The following TMEM266 variants were observed in gnomAD, a reference collection of about 807,000 sequenced individuals.
TMEM266 encodes Hv1 related protein 1.
TMEM266 carries 33 observed loss-of-function variants against 50.5 expected under a neutral mutation model. That is an observed-to-expected ratio of 0.65 (90% CI 0.50 to 0.87). The LOEUF (loss-of-function observed/expected upper bound fraction) is 0.87. Ranked by LOEUF, TMEM266 falls within the 40% of genes least tolerant of loss-of-function variation. The probability of loss-of-function intolerance (pLI) is 0.00; values close to 1 mark genes in which losing one functional copy is unlikely to be tolerated. For missense variants in TMEM266, 655 were observed against 695.1 expected (o/e 0.94, Z 0.65); for synonymous variants, 310 against 292.3 (o/e 1.06, Z -0.62).
chr15:76,137,833 C>G lies in TMEM266; in HGVS notation c.165C>G (p.Val55=). 6.2e-7 allele frequency: 1 copy of G among 1,613,120 alleles called. No individual in the cohort carries two copies. Among genetic ancestry groups the G allele is most frequent in the Non-Finnish European group, 8.5e-7 (1 of 1,179,532 alleles). ...ATCGGGACTTGCCCCTGGCTGCTGTCGATCTCTCCACGGCGGGCTCGCAGC... is the reference window on the plus strand; with the variant it reads ...ATCGGGACTTGCCCCTGGCTGCTGTGGATCTCTCCACGGCGGGCTCGCAGC... The change falls in exon 3 of 11, where the codon GTC becomes GTG. Residue 55 remains valine (V), a synonymous_variant. Transcript: ENST00000388942.
chr15:76,066,259 C>T (rs1051489665), intron 1 of TMEM266, among the ~76,000 whole-genome samples: 1 of 152,114 alleles, frequency 6.6e-6, no homozygotes, highest in Non-Finnish European at 1.5e-5. Context: ...CTCATGTAAG[C>T]TTGATACGGG....
At chr15:76,194,486 C>T (rs2038626612) in intron 9 of TMEM266, among the ~76,000 whole-genome samples, 2 of 152,338 alleles carry the variant, frequency 1.3e-5, no homozygotes, top group South Asian at 4.1e-4. Context: ...GCCCACGCCC[C>T]TTAGGCTGGT....
Position 76,139,124 on chromosome 15 carries a change from G to A in TMEM266, c.227+1229G>A, listed in dbSNP as rs763930009. Among the ~76,000 whole-genome samples, 2 of 152,094 alleles carry A rather than the reference G, an allele frequency of 1.3e-5. No homozygotes were observed. Among genetic ancestry groups the A allele is most frequent in the Non-Finnish European group, 2.9e-5 (2 of 68,030 alleles). On this transcript the variant is annotated intron_variant, in intron 3 of 10. Transcript: ENST00000388942. This position sits in a 1 kb window ranked among gnomAD's most constrained non-coding sequence, Gnocchi z 4.1. Reference sequence around the variant, plus strand: ...GCTGCTTTGAATATAAAAATGAAGGGTTGTCAGGTATTTTAGAAGCAAACG... The same window carrying A: ...GCTGCTTTGAATATAAAAATGAAGGATTGTCAGGTATTTTAGAAGCAAACG...
chr15:76,175,899 G>T, intron 8 of TMEM266: 1 of 457,044 alleles, frequency 2.2e-6, no homozygotes, highest in Admixed American at 3.8e-5. Context: ...CCCAGGCCAG[G>T]GTTCTTTCCA....
At chr15:76,064,240 G>C (rs182494968) in intron 1 of TMEM266, among the ~76,000 whole-genome samples, 3 of 152,264 alleles carry the variant, frequency 2.0e-5, no homozygotes, top group African/African-American at 7.2e-5. Context: ...TTATTAGCCT[G>C]TTGCATTTTT....
chr15:76,113,860 G>C (rs927639415), intron 1 of TMEM266: 4 of 151,990 alleles, frequency 2.6e-5, no homozygotes, highest in African/African-American at 9.7e-5. Context: ...AGTGAGCTGA[G>C]ATCGTGCCAC....
chr15:76,114,712 T>C (rs923747387), intron 1 of TMEM266, among the ~76,000 whole-genome samples: 2 of 152,206 alleles, frequency 1.3e-5, no homozygotes, highest in African/African-American at 2.4e-5. Context: ...TGGTAAAACG[T>C]ACATGAAATT....
intron 1 of TMEM266, among the ~76,000 whole-genome samples, chr15:76,112,292 G>A (rs1326031845): frequency 6.6e-6 from 1 of 152,056 alleles, no homozygotes; most frequent in Admixed American, 6.6e-5. Flanking sequence ...TATAAACTAT[G>A]GACTTTAATT....
chr15:76,074,171 G>A (rs2036574134), intron 1 of TMEM266, among the ~76,000 whole-genome samples: 1 of 152,058 alleles, frequency 6.6e-6, no homozygotes, highest in Non-Finnish European at 1.5e-5. Flanking sequence ...ACTACCCATA[G>A]ATAATTATTA....
chr15:76,116,904 T>C (rs562325353), intron 1 of TMEM266, among the ~76,000 whole-genome samples: 2 of 150,540 alleles, frequency 1.3e-5, no homozygotes, highest in Non-Finnish European at 3.0e-5. Context: ...TTCTTTTTTT[T>C]TTTTTTTTTT....
chr15:76,067,251 T>C (rs1232975409), intron 1 of TMEM266, among the ~76,000 whole-genome samples: 1 of 152,136 alleles, frequency 6.6e-6, no homozygotes, highest in East Asian at 1.9e-4. Flanking sequence ...GATTATATCA[T>C]AAATAAGGAG....
rs574431927 is a variant in TMEM266, at chr15:76,154,463, G to A, written c.228-2141G>A. ...TGGGCGATGGGGATGTTCATTGATG[G>A]CCTTCACCATCTGGCCCCCACAGAC... is the stretch of plus-strand genomic sequence containing the variant. On this transcript the variant is annotated intron_variant, in intron 3 of 10. Transcript: ENST00000388942. 3.5e-4 allele frequency among the ~76,000 whole-genome samples: 53 copies of A among 152,122 alleles called. No individual in the cohort carries two copies. The South Asian group carries it at 0.011, about 30-fold the overall frequency.
intron 1 of TMEM266, among the ~76,000 whole-genome samples, chr15:76,062,841 T>G (rs1463137504): frequency 6.6e-6 from 1 of 152,216 alleles, no homozygotes; most frequent in African/African-American, 2.4e-5. Context: ...AAACTATTAA[T>G]GCTTAAGCAT....
chr15:76,131,511 A>G (rs1358279898), intron 1 of TMEM266, among the ~76,000 whole-genome samples: 1 of 152,212 alleles, frequency 6.6e-6, no homozygotes, highest in African/African-American at 2.4e-5. Context: ...TAGACATTCT[A>G]TGTGATCAAT....
chr15:76,204,115 CCCAGCCCAGCGGGCTCGGCCCAAA>C lies in TMEM266; in HGVS notation c.1404_1427del (p.Ala469_Pro476del), dbSNP rs527771433. The C allele has an allele frequency of 2.0e-5, 33 of 1,612,914 alleles. No homozygotes were observed. Among genetic ancestry groups the C allele is most frequent in the Non-Finnish European group, 2.5e-5 (30 of 1,179,656 alleles). ...CTTGGACCCAGCCCCCCTCGCCCGG[CCCAGCCCAGCGGGCTCGGCCCAAA>C]CCAGCCCCGAGCTGGAACACAGGGT... is the stretch of plus-strand genomic sequence containing the variant. On this transcript the variant is annotated inframe_deletion, in exon 11 of 11. Transcript: ENST00000388942.
At chr15:76,201,412 G>T (rs1233128765) in intron 9 of TMEM266, among the ~76,000 whole-genome samples, 4 of 152,100 alleles carry the variant, frequency 2.6e-5, no homozygotes, top group Non-Finnish European at 5.9e-5. Flanking sequence ...TTTATTTGGA[G>T]ACAGGGTCTC....
intron 1 of TMEM266, among the ~76,000 whole-genome samples, chr15:76,091,462 A>G (rs962934746): frequency 4.0e-5 from 6 of 151,856 alleles, no homozygotes; most frequent in Admixed American, 3.3e-4. Flanking sequence ...AGGTGGGAGG[A>G]TATCTGGAGC....
At chr15:76,182,692 A>G (rs191737519) in intron 8 of TMEM266, among the ~76,000 whole-genome samples, 10 of 152,222 alleles carry the variant, frequency 6.6e-5, no homozygotes, top group African/African-American at 2.4e-4. Flanking sequence ...ATGTATCTAT[A>G]TGATGGTTGC....
chr15:76,192,117 G>C lies in TMEM266; in HGVS notation c.918G>C (p.Thr306=). Residue 306 remains threonine, a synonymous_variant, in exon 9 of 11, where the codon ACG becomes ACC. Transcript: ENST00000388942. ...AGGCCGGCACGTGGGACGAGGAGAC[G>C]GCGGCCGAGAGCGTCGTGGAGGAGC... The C allele has an allele frequency of 7.1e-7, 1 of 1,416,154 alleles. No individual in the cohort carries two copies. The highest frequency in any genetic ancestry group is 9.2e-7 in the Non-Finnish European group (1 of 1,086,146). 87.7% of individuals were successfully genotyped at this position (1,416,154 alleles called of 1,614,324 possible). A position where few individuals can be genotyped will look rare whatever the true frequency, so the allele number is the denominator to read the frequency against.
Sources: allele counts gnomAD v4.1 joint callset (sites outside exome capture counted in the v4.1 genomes callset), GRCh38; gene constraint gnomAD v4.1.1; non-coding constraint Gnocchi (gnomAD v3.1); transcripts MANE v1.5; gene names NCBI Gene and HGNC (gene_info 2026-07-23, HGNC 2026-07-21).